SCML4: variants seen among roughly 807,000 people sequenced by gnomAD.
The protein encoded by SCML4 is Scm polycomb group protein like 4, also known as sex comb on midleg-like protein 4.
SCML4 carries 34 observed loss-of-function variants against 41.1 expected under a neutral mutation model. The observed-to-expected ratio is 0.83, with a 90% CI of 0.63 to 1.10. The LOEUF (loss-of-function observed/expected upper bound fraction) is 1.10. Ranked by LOEUF, SCML4 falls within the 50% of genes least tolerant of loss-of-function variation. The pLI, the probability that SCML4 is intolerant of heterozygous loss-of-function variation, is 0.00. For missense variants in SCML4, 522 were observed against 534.1 expected, an observed-to-expected ratio of 0.98 and a Z score of 0.22; for synonymous variants, 214 against 220.9, an observed-to-expected ratio of 0.97 and a Z score of 0.28.
At chr6:107,830,257 T>C in the SCML4 span, among the ~76,000 whole-genome samples, 1 of 152,206 alleles carries the variant, frequency 6.6e-6, no homozygotes, top group Non-Finnish European at 1.5e-5. Context: ...TCAAATTCTC[T>C]TGGGCCCAAA....
Position 107,772,175 on chromosome 6 carries a change from G to A in SCML4, c.153C>T (p.Tyr51=). The A allele has an allele frequency of 6.5e-7, 1 of 1,549,816 alleles. No individual in the cohort carries two copies. Among genetic ancestry groups the A allele is most frequent in the Admixed American group, 2.0e-5 (1 of 50,852 alleles). Residue 51 remains tyrosine (Y), a synonymous_variant, in exon 2 of 8, where the codon TAC becomes TAT. Coordinates refer to ENST00000369020, the MANE Select transcript of SCML4 (RefSeq NM_198081.5). ...GAAGGAGATGATGGAGCCGTACCTT[G>A]TACCCGGGTTTCCGCCCTCTTTTCT... is the stretch of plus-strand genomic sequence containing the variant. The part of the protein sequence containing the change: ...IPKKRGRKPG[Y]KIKSRVLMTP...
At chr6:107,759,172 CA>C (rs1248495537) in intron 2 of SCML4, among the ~76,000 whole-genome samples, 10 of 109,524 alleles carry the variant, frequency 9.1e-5, no homozygotes, top group South Asian at 6.3e-4. Flanking sequence ...CAAAACAAAA[CA>C]AAAAAAAACT....
At chr6:107,780,577 C>T (rs1023614149) in intron 1 of SCML4, among the ~76,000 whole-genome samples, 2 of 151,946 alleles carry the variant, frequency 1.3e-5, no homozygotes, top group East Asian at 3.9e-4. Flanking sequence ...CGTGGTGGCA[C>T]ACATCTGTGG....
chr6:107,842,852 T>A, the SCML4 span, among the ~76,000 whole-genome samples: 1 of 152,342 alleles, frequency 6.6e-6, no homozygotes, highest in Admixed American at 6.5e-5. Flanking sequence ...TACACACTTG[T>A]TATGTCTTCT....
At position 107,783,751 on chromosome 6, in the gene SCML4, T is replaced by C. The variant is rs76298360; in HGVS notation, c.-59-11365A>G. On this transcript the variant is annotated intron_variant, in intron 1 of 7. Transcript: ENST00000369020. ...TGGCAGGTGCTGGTCTGAGTTTGCC[T>C]GATGGGAGGTGCTGGTCTGAGTTTG... is the stretch of plus-strand genomic sequence containing the variant. Among the ~76,000 whole-genome samples, 134 of 152,232 alleles carry C rather than the reference T, an allele frequency of 8.8e-4. 2 individuals are homozygous for C. In the East Asian group the frequency reaches 0.024, roughly 27 times the overall value.
At chr6:107,824,999 A>G (rs1350168390), upstream of SCML4, among the ~76,000 whole-genome samples, 1 of 151,146 alleles carries the variant, frequency 6.6e-6, no homozygotes, top group Non-Finnish European at 1.5e-5. Flanking sequence ...CCAGGCCTGT[A>G]TGTGTGTGTG....
chr6:107,721,084 A>T (rs1775361651), intron 5 of SCML4, 91 bp from the exon 6 acceptor site: 1 of 1,456,186 alleles, frequency 6.9e-7, no homozygotes. Flanking sequence ...TGCCCTGCCA[A>T]CACAGTAGCC....
Position 107,720,868 on chromosome 6 carries a change from T to C in SCML4, c.808A>G (p.Lys270Glu). The change falls in exon 6 of 8, where the codon AAG becomes GAG. Residue 270 changes from lysine (K) to glutamate (E), a missense_variant. Transcript: ENST00000369020. ...TGGCTGTCTCCAGAGTTCTGCCTCT[T>C]GCAGTACAGCGAGGAGGAGGGGTGC... ...SLHPSSSLYC[K>E]RQNSGDSHLG... 2 of 1,614,188 alleles carry C rather than the reference T, an allele frequency of 1.2e-6. No individual in the cohort carries two copies. The highest frequency in any genetic ancestry group is 1.7e-6 in the Non-Finnish European group (2 of 1,180,024).
intron 2 of SCML4, chr6:107,755,484 G>T: frequency 2.3e-6 from 1 of 435,236 alleles, no homozygotes. Flanking sequence ...TTTTGGAAAA[G>T]TCCTAAAAAA....
Position 107,772,232 on chromosome 6 carries a change from T to A in SCML4, c.96A>T (p.Ser32=). 6.4e-7 allele frequency: 1 copy of A among 1,551,696 alleles called. No homozygotes were observed. Among genetic ancestry groups the A allele is most frequent in the Admixed American group, 2.0e-5 (1 of 50,998 alleles). The stretch of plus-strand genomic sequence containing the variant: ...TCTTCACTGCTGGTAAAGAGCCAGC[T>A]GAAGCAGAATAAAGGTTATGAACTG... ...KMAVHNLYSA[S]AGSLPAVKIP... The change falls in exon 2 of 8, where the codon TCA becomes TCT. Residue 32 remains serine (S), a synonymous_variant. Transcript: ENST00000369020.
chr6:107,786,676 A>G (rs1781920891), intron 1 of SCML4, among the ~76,000 whole-genome samples: 1 of 152,336 alleles, frequency 6.6e-6, no homozygotes, highest in African/African-American at 2.4e-5. Context: ...TGATGTATGA[A>G]CAAATGAATG....
intron 6 of SCML4, chr6:107,719,774 G>C (rs1775187079): frequency 2.8e-6 from 1 of 353,226 alleles, no homozygotes; most frequent in Non-Finnish European, 4.0e-6. Context: ...TGAAGCACAG[G>C]TAAGTTAAGA....
intron 1 of SCML4, among the ~76,000 whole-genome samples, chr6:107,791,770 A>G (rs1782348781): frequency 6.6e-6 from 1 of 152,162 alleles, no homozygotes; most frequent in Admixed American, 6.6e-5. Flanking sequence ...CCTGGGCAAC[A>G]TGGCAAAACC....
At chr6:107,821,923 C>T (rs1368432438) in intron 1 of SCML4, among the ~76,000 whole-genome samples, 1 of 152,196 alleles carries the variant, frequency 6.6e-6, no homozygotes, top group Admixed American at 6.5e-5. Context: ...TCAGGCCACA[C>T]AAAATTGTAA....
intron 2 of SCML4, among the ~76,000 whole-genome samples, chr6:107,762,594 A>C (rs746739726): frequency 6.6e-6 from 1 of 152,212 alleles, no homozygotes; most frequent in Non-Finnish European, 1.5e-5. Flanking sequence ...TGGTATCCTT[A>C]TACAAAATGG....
chr6:107,801,424 GCCTGCCTA>G (rs1451132257), intron 1 of SCML4, among the ~76,000 whole-genome samples: 1 of 152,082 alleles, frequency 6.6e-6, no homozygotes, highest in Middle Eastern at 3.2e-3. Context: ...ACCCACCTAT[GCCTGCCTA>G]CCTGCCCCCC....
At chr6:107,839,403 AAG>A in the SCML4 span, among the ~76,000 whole-genome samples, 8 of 144,248 alleles carry the variant, frequency 5.5e-5, 1 homozygote, top group Admixed American at 1.4e-4. Flanking sequence ...GAAAGAAAGA[AAG>A]AAAGAGGAAG....
intron 5 of SCML4, among the ~76,000 whole-genome samples, chr6:107,721,778 C>G (rs1352754325): frequency 6.6e-6 from 1 of 152,076 alleles, no homozygotes; most frequent in East Asian, 1.9e-4. Flanking sequence ...ACCTTTAGTC[C>G]TGATACAAAC....
chr6:107,830,292 T>G, the SCML4 span, among the ~76,000 whole-genome samples: 1 of 152,230 alleles, frequency 6.6e-6, no homozygotes, highest in Non-Finnish European at 1.5e-5. Flanking sequence ...AGACAGGGCC[T>G]TCTCTCTTTG....
Sources: allele counts gnomAD v4.1 joint callset (sites outside exome capture counted in the v4.1 genomes callset), GRCh38; gene constraint gnomAD v4.1.1; transcripts MANE v1.5; gene names NCBI Gene and HGNC (gene_info 2026-07-23, HGNC 2026-07-21).